Variants in SLC44A1 observed in about 807,000 individuals in gnomAD.
SLC44A1 encodes the protein solute carrier family 44 member 1, also known as choline transporter-like protein 1.
A neutral mutation model predicts 79.3 loss-of-function variants in SLC44A1; 26 were observed. The ratio of observed to expected loss-of-function variants is 0.33; its 90% CI spans 0.24 to 0.46. The LOEUF (loss-of-function observed/expected upper bound fraction) is 0.46. SLC44A1 is among the 20% of genes least tolerant of loss of function. The pLI, the probability that SLC44A1 is intolerant of heterozygous loss-of-function variation, is 1.00. For missense variants in SLC44A1, 688 were observed against 798.1 expected, an observed-to-expected ratio of 0.86 and a Z score of 1.66; for synonymous variants, 263 against 286.2, an observed-to-expected ratio of 0.92 and a Z score of 0.82.
In SLC44A1 at chr9:105,390,020, C is replaced by A. The variant is rs1186336601; in HGVS notation, c.*964C>A. On this transcript the variant is annotated 3_prime_UTR_variant, in exon 16 of 16. Transcript: ENST00000374720. ...ACGTCAGTGGCTTAGGGTTAAACGG[C>A]CATTTTATTCAAATGCTTGCTATAC... The A allele has an allele frequency of 7.3e-7, 1 of 1,366,124 alleles. No homozygotes were observed. Among genetic ancestry groups the A allele is most frequent in the African/African-American group, 1.5e-5 (1 of 67,580 alleles). 84.6% of individuals were successfully genotyped at this position (1,366,124 alleles called of 1,614,324 possible). A position where few individuals can be genotyped will look rare whatever the true frequency, so the allele number is the denominator to read the frequency against.
intron 2 of SLC44A1, among the ~76,000 whole-genome samples, chr9:105,301,840 G>T (rs936847480): frequency 1.3e-5 from 2 of 152,130 alleles, no homozygotes; most frequent in African/African-American, 4.8e-5. Flanking sequence ...TAATCGAGTG[G>T]CCCAGCTGCC....
chr9:105,247,064 G>A (rs373930819), intron 1 of SLC44A1, among the ~76,000 whole-genome samples: 97 of 151,524 alleles, frequency 6.4e-4, no homozygotes, highest in African/African-American at 2.3e-3. Context: ...GCATTGAGGA[G>A]CAGGTTTTGT....
intron 12 of SLC44A1, 136 bp from the exon 13 acceptor site, chr9:105,374,462 G>A (rs1013161693): frequency 8.6e-6 from 6 of 699,214 alleles, no homozygotes; most frequent in African/African-American, 7.3e-5. Context: ...ACTCAGTCTC[G>A]ATCTGTACCT....
At chr9:105,381,297 T>A (rs763122626) in intron 13 of SLC44A1, among the ~76,000 whole-genome samples, 1 of 151,756 alleles carries the variant, frequency 6.6e-6, no homozygotes, top group African/African-American at 2.4e-5. Flanking sequence ...CCCAGCACTT[T>A]GGGAGGCCCT....
At chr9:105,329,223 ATAATTGGGAAAATGAT>A in intron 3 of SLC44A1, among the ~76,000 whole-genome samples, 1 of 152,222 alleles carries the variant, frequency 6.6e-6, no homozygotes, top group Non-Finnish European at 1.5e-5. Flanking sequence ...ATATGAGGTA[ATAATTGGGAAAATGAT>A]CAGACTCCAT....
In SLC44A1 at chr9:105,374,704, C is replaced by T. The variant is rs1828221651; in HGVS notation, c.1601C>T (p.Thr534Ile). 6.2e-7 allele frequency: 1 copy of T among 1,613,094 alleles called. No individual in the cohort carries two copies. Among genetic ancestry groups the T allele is most frequent in the Non-Finnish European group, 8.5e-7 (1 of 1,179,224 alleles). The change falls in exon 13 of 16, where the codon ACA becomes ATA. Residue 534 changes from threonine to isoleucine, a missense_variant. Thr to Ile is a moderately conservative substitution (Grantham distance 89, BLOSUM62 -1). Transcript: ENST00000374720. ...ENALRVATINTVGDFMLFLGK... is the reference protein window; with the variant it reads ...ENALRVATINIVGDFMLFLGK... The stretch of plus-strand genomic sequence containing the variant: ...GCTTTGCGAGTGGCTACCATCAACA[C>T]AGTAGGAGATTTTATGTTATTCCTT...
intron 3 of SLC44A1, among the ~76,000 whole-genome samples, chr9:105,323,215 CAAAA>C (rs575818228): frequency 0.086 from 6,556 of 76,522 alleles, 484 homozygotes; most frequent in African/African-American, 0.22. Context: ...AACTCCATCT[CAAAA>C]AAAAAAAAAA....
chr9:105,258,996 C>T (rs369538556), intron 1 of SLC44A1, among the ~76,000 whole-genome samples: 4 of 151,920 alleles, frequency 2.6e-5, no homozygotes, highest in East Asian at 1.9e-4. Flanking sequence ...TGAGCCACCA[C>T]GCCTGTTTGT....
chr9:105,325,784 A>G (rs1826556301), intron 3 of SLC44A1, among the ~76,000 whole-genome samples: 1 of 152,220 alleles, frequency 6.6e-6, no homozygotes, highest in Non-Finnish European at 1.5e-5. Context: ...TCTAATGGAT[A>G]GGAGGTTTCT....
intron 4 of SLC44A1, among the ~76,000 whole-genome samples, chr9:105,345,271 C>A (rs1466293581): frequency 6.6e-6 from 1 of 152,074 alleles, no homozygotes; most frequent in Non-Finnish European, 1.5e-5. Flanking sequence ...TGTAGTATCT[C>A]TTGAATGGTA....
chr9:105,316,279 G>C (rs191520431), intron 3 of SLC44A1, among the ~76,000 whole-genome samples: 13 of 152,246 alleles, frequency 8.5e-5, no homozygotes, highest in Non-Finnish European at 1.6e-4. Context: ...CATGAGAAAG[G>C]TTACAATGGG....
Position 105,244,677 on chromosome 9 carries a change from CG to C in SLC44A1, c.-187del. The C allele has an allele frequency of 4.0e-5, 11 of 275,704 alleles. No individual in the cohort carries two copies. The highest frequency in any genetic ancestry group is 6.7e-5 in the Non-Finnish European group (10 of 148,914). 17.1% of individuals were successfully genotyped at this position (275,704 alleles called of 1,614,324 possible). A position where few individuals can be genotyped will look rare whatever the true frequency, so the allele number is the denominator to read the frequency against. On this transcript the variant is annotated 5_prime_UTR_variant, in exon 1 of 16. Coordinates refer to ENST00000374720, the MANE Select transcript of SLC44A1 (RefSeq NM_080546.5). ...GACGCGTAGCCGCCGTCGCCGCCGC[CG>C]GGGGATGTGGCCGGCGCCTGCCTCT... is the stretch of plus-strand genomic sequence containing the variant.
At position 105,299,319 on chromosome 9, in the gene SLC44A1, C is replaced by T; in HGVS notation, c.126+10C>T. ...CTTCTGCATTGGGATGGTAAGGAAA[C>T]TCTCACAGATGGTCCAAACTGGACT... On this transcript the variant is annotated intron_variant, in intron 2 of 15. Coordinates refer to ENST00000374720, the MANE Select transcript of SLC44A1 (RefSeq NM_080546.5). 4 of 1,560,946 alleles carry T rather than the reference C, an allele frequency of 2.6e-6. No individual in the cohort carries two copies. Among genetic ancestry groups the T allele is most frequent in the Non-Finnish European group, 3.5e-6 (4 of 1,156,394 alleles).
At chr9:105,307,273 A>G (rs1490421207) in intron 2 of SLC44A1, among the ~76,000 whole-genome samples, 1 of 152,242 alleles carries the variant, frequency 6.6e-6, no homozygotes, top group Non-Finnish European at 1.5e-5. Flanking sequence ...AGTAATTGGC[A>G]GAGTGAGGGT....
Position 105,366,443 on chromosome 9 carries a change from A to C in SLC44A1, c.1494+14A>C, listed in dbSNP as rs1271419920. The C allele has an allele frequency of 8.6e-7, 1 of 1,165,652 alleles. No individual in the cohort carries two copies. Among genetic ancestry groups the C allele is most frequent in the African/African-American group, 1.6e-5 (1 of 61,832 alleles). The allele number at this position is 1,165,652 out of a possible 1,614,324, so 72.2% of individuals were successfully genotyped here. The stretch of plus-strand genomic sequence containing the variant: ...TATTTAAATCAGGTAAAATATTTTA[A>C]AAATAAATCTAATATTTACTTTCAA... On this transcript the variant is annotated intron_variant, in intron 12 of 15. Transcript: ENST00000374720.
At chr9:105,246,373 C>CTTTTT in intron 1 of SLC44A1, among the ~76,000 whole-genome samples, 1 of 119,074 alleles carries the variant, frequency 8.4e-6, no homozygotes, top group African/African-American at 2.9e-5. Flanking sequence ...TTCCTCCAGT[C>CTTTTT]TTTTTTTTTT....
intron 3 of SLC44A1, among the ~76,000 whole-genome samples, chr9:105,320,897 A>G (rs1260827919): frequency 6.6e-6 from 1 of 152,194 alleles, no homozygotes; most frequent in Non-Finnish European, 1.5e-5. Context: ...TTTGTGAAGT[A>G]TTCATATCTT....
At chr9:105,303,918 G>C (rs1263124522) in intron 2 of SLC44A1, among the ~76,000 whole-genome samples, 1 of 152,204 alleles carries the variant, frequency 6.6e-6, no homozygotes. Flanking sequence ...GGAGAAAGGA[G>C]ACTGCAGTCT....
rs149386984 is a variant in SLC44A1, at chr9:105,336,667, T to G, written c.406+968T>G. On this transcript the variant is annotated intron_variant, in intron 4 of 15. Transcript: ENST00000374720. The stretch of plus-strand genomic sequence containing the variant: ...GTATCCAGTGGGTACAACTTCTAGC[T>G]GGGTGGACAGACAGCATGGAACCAT... 4.8e-4 allele frequency among the ~76,000 whole-genome samples: 73 copies of G among 152,310 alleles called. No individual in the cohort carries two copies. The East Asian group carries it at 0.013, about 27-fold the overall frequency.
Sources: allele counts gnomAD v4.1 joint callset (sites outside exome capture counted in the v4.1 genomes callset), GRCh38; gene constraint gnomAD v4.1.1; transcripts MANE v1.5; gene names NCBI Gene and HGNC (gene_info 2026-07-23, HGNC 2026-07-21).